The following ARL13B variants were observed in gnomAD, a reference collection of about 807,000 sequenced individuals.
The protein encoded by ARL13B is ADP-ribosylation factor-like protein 13B.
Under a neutral mutation model 56.1 loss-of-function variants are expected in ARL13B, and 36 were observed. That is an observed-to-expected ratio of 0.64 (90% CI 0.49 to 0.85). ARL13B has a LOEUF of 0.85. ARL13B is among the 40% of genes least tolerant of loss of function. The pLI, the probability that ARL13B is intolerant of heterozygous loss-of-function variation, is 0.00. For synonymous variants in ARL13B, 178 were observed against 171.1 expected (o/e 1.04, Z -0.32); for missense variants, 519 against 507.1 (o/e 1.02, Z -0.23).
rs2076625062 is a variant in ARL13B, at chr3:94,029,334, A to ATATATATATT, written c.381-5996_381-5995insATATATATTT. Among the ~76,000 whole-genome samples the ATATATATATT allele has an allele frequency of 4.5e-4, 24 of 53,400 alleles. 2 individuals carry two copies. Among genetic ancestry groups the ATATATATATT allele is most frequent in the Non-Finnish European group, 4.6e-4 (13 of 28,254 alleles). The allele number at this position is 53,400 out of a possible 152,430, so 35.0% of individuals were successfully genotyped here. A position where few individuals can be genotyped will look rare whatever the true frequency, so the allele number is the denominator to read the frequency against. On this transcript the variant is annotated intron_variant, in intron 3 of 9. Coordinates refer to ENST00000394222, the MANE Select transcript of ARL13B (RefSeq NM_001174150.2). ...TATATATATATATATATATATATAT[A>ATATATATATT]TTTATTTTTTTTTTATTTTTTTTTT...
rs755193110 is a variant in ARL13B, at chr3:94,037,650, A to G, written c.689+896A>G. On this transcript the variant is annotated intron_variant, in intron 5 of 9. Coordinates refer to ENST00000394222, the MANE Select transcript of ARL13B (RefSeq NM_001174150.2). ...TGTTTTTTTCTTAGTATGTATTTTT[A>G]TCATATAAAGCTCAGTACAACCAAT... 3.3e-5 allele frequency among the ~76,000 whole-genome samples: 5 copies of G among 152,146 alleles called. No homozygotes were observed. In the South Asian group the frequency reaches 1.0e-3, roughly 31 times the overall value.
chr3:94,037,169 C>G (rs2076783577), intron 5 of ARL13B, among the ~76,000 whole-genome samples: 1 of 152,118 alleles, frequency 6.6e-6, no homozygotes, highest in South Asian at 2.1e-4. Context: ...GCTAAACATC[C>G]TATGACACAC....
At chr3:93,989,048 G>A (rs151102386) in intron 1 of ARL13B, 22 of 243,650 alleles carry the variant, frequency 9.0e-5, no homozygotes, top group East Asian at 1.3e-4. Flanking sequence ...CCCGCTGCCC[G>A]AGCTGCTGAG....
intron 3 of ARL13B, among the ~76,000 whole-genome samples, chr3:94,013,718 G>T (rs1390368191): frequency 6.6e-6 from 1 of 152,204 alleles, no homozygotes; most frequent in Non-Finnish European, 1.5e-5. Context: ...GGCCCAGGGG[G>T]GCGGATCACT....
chr3:94,020,205 T>C (rs1361281294), intron 3 of ARL13B, among the ~76,000 whole-genome samples: 2 of 152,202 alleles, frequency 1.3e-5, no homozygotes, highest in Admixed American at 6.5e-5. Flanking sequence ...ATGAGTCTTA[T>C]ATTTACTTGA....
At chr3:94,050,760 C>A in intron 8 of ARL13B, 64 bp from the exon 9 acceptor site, 2 of 1,367,482 alleles carry the variant, frequency 1.5e-6, no homozygotes, top group Non-Finnish European at 2.1e-6. Flanking sequence ...GGGAGGGATC[C>A]TCTCAACAGA....
rs1250245908 is a variant in ARL13B, at chr3:94,055,362, T to C, written c.*2099T>C. The C allele has an allele frequency of 1.1e-5, 5 of 441,860 alleles. No individual in the cohort carries two copies. Among genetic ancestry groups the C allele is most frequent in the Non-Finnish European group, 2.3e-5 (5 of 219,782 alleles). The allele number at this position is 441,860 out of a possible 1,614,324, so 27.4% of individuals were successfully genotyped here. A position where few individuals can be genotyped will look rare whatever the true frequency, so the allele number is the denominator to read the frequency against. ...AGGTAAAGATTTTAAAATATGATTA[T>C]TGAAAAACAGTTTAAATCAGTAGAT... On this transcript the variant is annotated 3_prime_UTR_variant, in exon 10 of 10. Transcript: ENST00000394222.
intron 1 of ARL13B, among the ~76,000 whole-genome samples, chr3:93,986,865 G>A (rs559952641): frequency 1.2e-4 from 18 of 152,246 alleles, no homozygotes; most frequent in Middle Eastern, 3.4e-3. Context: ...AGCTACTTGG[G>A]AGGCTGAGGC....
At chr3:94,033,429 CATTA>C (rs2076711407) in intron 3 of ARL13B, among the ~76,000 whole-genome samples, 1 of 151,858 alleles carries the variant, frequency 6.6e-6, no homozygotes, top group Admixed American at 6.6e-5. Flanking sequence ...GTTGCTACGC[CATTA>C]ATTCATTATT....
chr3:93,999,839 T>C (rs1238247332), intron 2 of ARL13B, among the ~76,000 whole-genome samples: 1 of 152,188 alleles, frequency 6.6e-6, no homozygotes, highest in Non-Finnish European at 1.5e-5. Flanking sequence ...ACAAGATAGA[T>C]GTTTCTTTCT....
intron 3 of ARL13B, among the ~76,000 whole-genome samples, chr3:94,004,270 T>A (rs1046322258): frequency 6.6e-5 from 10 of 152,196 alleles, no homozygotes; most frequent in African/African-American, 1.2e-4. Context: ...TTTTGTCCTT[T>A]TTTCCTTAAA....
intron 3 of ARL13B, among the ~76,000 whole-genome samples, chr3:94,020,928 G>A (rs879047230): frequency 2.0e-5 from 3 of 151,838 alleles, no homozygotes; most frequent in African/African-American, 7.3e-5. Context: ...GATTCCATAC[G>A]CCTCTTCCTC....
intron 1 of ARL13B, among the ~76,000 whole-genome samples, chr3:93,992,352 T>C (rs552398085): frequency 1.8e-4 from 27 of 152,296 alleles, no homozygotes; most frequent in African/African-American, 6.5e-4. Flanking sequence ...GCCGACTCAG[T>C]TGATGCTTGT....
At chr3:93,999,243 A>G (rs2076014428) in intron 2 of ARL13B, among the ~76,000 whole-genome samples, 1 of 151,300 alleles carries the variant, frequency 6.6e-6, no homozygotes, top group Non-Finnish European at 1.5e-5. Flanking sequence ...GCCTGGTCAT[A>G]TTTTTTTGGT....
chr3:93,993,877 T>C (rs1028722265), intron 1 of ARL13B, among the ~76,000 whole-genome samples: 1 of 152,322 alleles, frequency 6.6e-6, no homozygotes, highest in East Asian at 1.9e-4. Context: ...AAATCTATAA[T>C]CTGCTGTGGG....
chr3:94,043,918 G>A (rs1459459352), intron 7 of ARL13B, among the ~76,000 whole-genome samples: 8 of 151,302 alleles, frequency 5.3e-5, no homozygotes, highest in Non-Finnish European at 8.8e-5. Context: ...TCGGCCTCCC[G>A]AGGTGCTGGG....
At chr3:93,993,556 G>T (rs1396000829) in intron 1 of ARL13B, among the ~76,000 whole-genome samples, 1 of 152,152 alleles carries the variant, frequency 6.6e-6, no homozygotes, top group Non-Finnish European at 1.5e-5. Context: ...GAGTGGCTGG[G>T]ACTACAGGGA....
chr3:94,040,020 C>A, intron 6 of ARL13B, 32 bp downstream of exon 6: 1 of 1,588,304 alleles, frequency 6.3e-7, no homozygotes, highest in African/African-American at 1.3e-5. Flanking sequence ...ATTTTTGTAT[C>A]TTAAGTTATA....
chr3:93,990,336 T>C (rs1478391290), intron 1 of ARL13B, among the ~76,000 whole-genome samples: 4 of 152,172 alleles, frequency 2.6e-5, no homozygotes, highest in Non-Finnish European at 5.9e-5. Flanking sequence ...GCTGAAATGC[T>C]TGGGACCTAA....
Sources: allele counts gnomAD v4.1 joint callset (sites outside exome capture counted in the v4.1 genomes callset), GRCh38; gene constraint gnomAD v4.1.1; transcripts MANE v1.5; gene names NCBI Gene and HGNC (gene_info 2026-07-23, HGNC 2026-07-21).